The following MGAT4C variants were observed in gnomAD, a reference collection of about 807,000 sequenced individuals.
MGAT4C encodes alpha-1,3-mannosyl-glycoprotein 4-beta-N-acetylglucosaminyltransferase C.
In MGAT4C, 19 loss-of-function variants were observed where a neutral mutation model predicts 40.1. The ratio of observed to expected loss-of-function variants is 0.47; its 90% confidence interval spans 0.33 to 0.70. The LOEUF (loss-of-function observed/expected upper bound fraction) is 0.70, where lower values mean the gene tolerates loss of function less well. Ranked by LOEUF, MGAT4C falls within the 30% of genes least tolerant of loss-of-function variation. The pLI is 0.02. For synonymous variants in MGAT4C, 181 were observed against 187.1 expected, an observed-to-expected ratio of 0.97 and a Z score of 0.27; for missense variants, 491 against 563.2, an observed-to-expected ratio of 0.87 and a Z score of 1.30.
intron 2 of MGAT4C, among the ~76,000 whole-genome samples, chr12:86,476,274 C>T (rs1282160138): frequency 1.3e-5 from 2 of 151,960 alleles, no homozygotes; most frequent in African/African-American, 4.8e-5. Context: ...TAAAAATGGG[C>T]ACTTCTCAAA....
chr12:86,207,347 A>C (rs897198854), intron 1 of MGAT4C, among the ~76,000 whole-genome samples: 3 of 152,062 alleles, frequency 2.0e-5, no homozygotes, highest in African/African-American at 7.2e-5. Flanking sequence ...ATAGGTATAC[A>C]TGTGCCATGG....
intron 2 of MGAT4C, among the ~76,000 whole-genome samples, chr12:86,642,674 C>T (rs1367831574): frequency 1.3e-5 from 2 of 151,688 alleles, no homozygotes; most frequent in Admixed American, 6.6e-5. Flanking sequence ...ACTCATTGGA[C>T]ATTCACCTGT....
chr12:86,549,847 T>C (rs1420276114), intron 2 of MGAT4C, among the ~76,000 whole-genome samples: 1 of 152,096 alleles, frequency 6.6e-6, no homozygotes, highest in Non-Finnish European at 1.5e-5. Context: ...CTGCAGACAC[T>C]CTCCCCCACT....
chr12:86,793,597 C>T (rs1043548892), intron 1 of MGAT4C, among the ~76,000 whole-genome samples: 12 of 152,010 alleles, frequency 7.9e-5, no homozygotes, highest in African/African-American at 1.4e-4. Context: ...TATACTCTCA[C>T]GCTCATTTGT....
At chr12:86,456,013 A>G (rs1419846084) in intron 2 of MGAT4C, among the ~76,000 whole-genome samples, 2 of 152,162 alleles carry the variant, frequency 1.3e-5, no homozygotes, top group East Asian at 1.9e-4. Context: ...GGAGAATTTA[A>G]TGTAAGAAAA....
At chr12:86,101,530 AT>A (rs955485896) in intron 1 of MGAT4C, among the ~76,000 whole-genome samples, 1 of 151,874 alleles carries the variant, frequency 6.6e-6, no homozygotes, top group African/African-American at 2.4e-5. Context: ...GTGTAAAATT[AT>A]CTTTTAAAGA....
At chr12:86,330,154 C>T (rs1293704535) in intron 4 of MGAT4C, among the ~76,000 whole-genome samples, 1 of 151,996 alleles carries the variant, frequency 6.6e-6, no homozygotes, top group Non-Finnish European at 1.5e-5. Context: ...TTTTGAGGAC[C>T]CTAATGTGAT....
rs145963866 is a variant in MGAT4C at position 86,044,517 on chromosome 12, T to A, written c.-7+5157A>T. ...TTCTGGCAGAGGAGGGGAGGCAAGG[T>A]CCACTCGCATGTGTGCACGCTGGAA... On this transcript the variant is annotated intron_variant, in intron 2 of 4. Transcript: ENST00000611864. Among the ~76,000 whole-genome samples the A allele has an allele frequency of 5.3e-5, 8 of 152,118 alleles. No homozygotes were observed. In the East Asian group the frequency reaches 1.4e-3, roughly 26 times the overall value.
rs545676373 is a variant in MGAT4C, at chr12:86,670,544, A to T, written c.-229+56665T>A. Among the ~76,000 whole-genome samples, 40 of 152,078 alleles carry T rather than the reference A, an allele frequency of 2.6e-4. 1 individual carries two copies. The highest frequency in any genetic ancestry group is 1.0e-3 in the Admixed American group (16 of 15,272). ...GACAAAAATAAAGAAAAAAAGAATT[A>T]AAAAAAATGAACAAATCTTTGAGAA... On this transcript the variant is annotated intron_variant, in intron 2 of 7. Transcript: ENST00000548651.
At chr12:86,042,077 T>C (rs1592759738) in intron 2 of MGAT4C, among the ~76,000 whole-genome samples, 1 of 152,228 alleles carries the variant, frequency 6.6e-6, no homozygotes. Flanking sequence ...CGCTTCTTTG[T>C]CTTTTTTGAA....
At position 86,766,431 on chromosome 12, in the gene MGAT4C, AC is replaced by A. The variant is rs1206928304; in HGVS notation, c.-261-39191del. 9.2e-5 allele frequency among the ~76,000 whole-genome samples: 14 copies of A among 152,220 alleles called. No individual in the cohort carries two copies. The East Asian group carries it at 2.7e-3, about 29-fold the overall frequency. On this transcript the variant is annotated intron_variant, in intron 1 of 7. Transcript: ENST00000548651. ...TACATTAATAATGGGAGACTTTAAC[AC>A]CCCACTGTCAACATTAGAAAGATCA...
intron 2 of MGAT4C, among the ~76,000 whole-genome samples, chr12:86,638,945 A>G (rs1292301433): frequency 6.6e-6 from 1 of 151,794 alleles, no homozygotes; most frequent in African/African-American, 2.4e-5. Context: ...GAGCCCTAAT[A>G]TCTTTCCATT....
intron 4 of MGAT4C, among the ~76,000 whole-genome samples, chr12:86,289,435 A>C (rs2136126475): frequency 6.6e-6 from 1 of 151,742 alleles, no homozygotes; most frequent in South Asian, 2.1e-4. Flanking sequence ...TTTTCAAGTT[A>C]TCTGAAGAAT....
rs1055037697 is a variant in MGAT4C, at chr12:86,613,670, T to C, written c.-229+113539A>G. Among the ~76,000 whole-genome samples the C allele has an allele frequency of 4.6e-5, 7 of 152,260 alleles. No homozygotes were observed. In the South Asian group the frequency reaches 1.2e-3, roughly 27 times the overall value. Reference sequence around the variant, plus strand: ...TTTAGGATCCTAGGAATACTATAACTGCAAGCACCCTAAATAGAGAGGAAT... The same window carrying C: ...TTTAGGATCCTAGGAATACTATAACCGCAAGCACCCTAAATAGAGAGGAAT... On this transcript the variant is annotated intron_variant, in intron 2 of 7. Transcript: ENST00000548651.
rs73396194 is a variant in MGAT4C at position 86,245,002 on chromosome 12, C to T, written c.-57+11237G>A. On this transcript the variant is annotated intron_variant, in intron 1 of 4. Coordinates refer to ENST00000611864, the MANE Select transcript of MGAT4C (RefSeq NM_001351288.2). ...TCCCACTGATGAGGCAACTGGGGCA[C>T]AGAGAAGTTAAATTCTCTGCTCATA... Among the ~76,000 whole-genome samples the T allele has an allele frequency of 2.8e-3, 430 of 152,236 alleles. 2 individuals carry two copies. The highest frequency in any genetic ancestry group is 0.01 in the African/African-American group (418 of 41,548).
intron 1 of MGAT4C, among the ~76,000 whole-genome samples, chr12:86,204,615 T>C (rs1322141265): frequency 3.9e-5 from 6 of 152,152 alleles, no homozygotes; most frequent in Admixed American, 1.3e-4. Context: ...TTTCTGCTAT[T>C]TTCTGTTCAA....
intron 3 of MGAT4C, among the ~76,000 whole-genome samples, chr12:86,379,677 A>C (rs562670675): frequency 6.6e-6 from 1 of 152,226 alleles, no homozygotes; most frequent in South Asian, 2.1e-4. Context: ...ATAAAACAAT[A>C]CTTTTTTTAG....
chr12:86,188,088 C>T (rs976218199), intron 1 of MGAT4C, among the ~76,000 whole-genome samples: 1 of 151,972 alleles, frequency 6.6e-6, no homozygotes, highest in Non-Finnish European at 1.5e-5. Flanking sequence ...GATTGACTTT[C>T]TCTTTTCTGC....
intron 2 of MGAT4C, among the ~76,000 whole-genome samples, chr12:86,501,293 ATTT>A (rs1414574929): frequency 6.6e-6 from 1 of 152,016 alleles, no homozygotes; most frequent in African/African-American, 2.4e-5. Flanking sequence ...TTTAAAAATT[ATTT>A]TTATTTGTTT....
Sources: allele counts gnomAD v4.1 joint callset (sites outside exome capture counted in the v4.1 genomes callset), GRCh38; gene constraint gnomAD v4.1.1; transcripts MANE v1.5; gene names NCBI Gene and HGNC (gene_info 2026-07-23, HGNC 2026-07-21).